The following BCKDHB variants were observed in gnomAD, a reference collection of about 807,000 sequenced individuals.
The protein encoded by BCKDHB is 2-oxoisovalerate dehydrogenase subunit beta, mitochondrial.
Under a neutral mutation model 48.5 loss-of-function variants are expected in BCKDHB, and 41 were observed. That is an observed-to-expected ratio of 0.85 (90% CI 0.66 to 1.10). The LOEUF (loss-of-function observed/expected upper bound fraction) is 1.10. Among genes scored for constraint, BCKDHB ranks in the 50% least tolerant of loss-of-function variants. The pLI is 0.00. For synonymous variants in BCKDHB, 201 were observed against 174.8 expected (o/e 1.15, Z -1.18); for missense variants, 496 against 494.2 (o/e 1.00, Z -0.03).
chr6:80,421,719 T>C, the BCKDHB span, among the ~76,000 whole-genome samples: 1 of 152,102 alleles, frequency 6.6e-6, no homozygotes, highest in Non-Finnish European at 1.5e-5. Context: ...TCTGGGGAAA[T>C]TTGAACTTGA....
intron 8 of BCKDHB, among the ~76,000 whole-genome samples, chr6:80,260,418 C>G (rs1777249643): frequency 6.6e-6 from 1 of 152,168 alleles, no homozygotes; most frequent in African/African-American, 2.4e-5. Flanking sequence ...GAAACAGACT[C>G]TCACTCTTCC....
intron 8 of BCKDHB, among the ~76,000 whole-genome samples, chr6:80,232,824 CTCTT>C (rs1332509060): frequency 6.6e-6 from 1 of 150,798 alleles, no homozygotes; most frequent in Non-Finnish European, 1.5e-5. Context: ...TTTGTGCGTT[CTCTT>C]TCTTTATGGC....
chr6:80,308,254 A>G (rs937488839), intron 9 of BCKDHB, among the ~76,000 whole-genome samples: 1 of 151,798 alleles, frequency 6.6e-6, no homozygotes, highest in Non-Finnish European at 1.5e-5. Context: ...TCATTGTATC[A>G]TGGACATTGT....
At chr6:80,355,777 T>G in the BCKDHB span, 2 of 152,292 alleles carry the variant, frequency 1.3e-5, no homozygotes, top group African/African-American at 4.8e-5. Context: ...TACATGGTTC[T>G]CTCTGGCTCT....
At chr6:80,419,986 A>G in the BCKDHB span, among the ~76,000 whole-genome samples, 7,625 of 151,980 alleles carry the variant, frequency 0.05, 578 homozygotes, top group African/African-American at 0.16. Flanking sequence ...CAGGATTTCT[A>G]TTTGGTTCTT....
rs150860716 is a variant in BCKDHB at position 80,317,361 on chromosome 6, C to T, written c.1039-26303C>T. Among the ~76,000 whole-genome samples, 430 of 152,342 alleles carry T rather than the reference C, an allele frequency of 2.8e-3. 2 individuals carry two copies. The highest frequency in any genetic ancestry group is 5.1e-3 in the Non-Finnish European group (349 of 68,020). On this transcript the variant is annotated intron_variant, in intron 9 of 9. Coordinates refer to ENST00000320393, the MANE Select transcript of BCKDHB (RefSeq NM_183050.4). ...ATCAAGGTGTCAACAGAGCCGCATT[C>T]CTTTCTGGAGAATTCTCTAGGGGAC...
intron 6 of BCKDHB, among the ~76,000 whole-genome samples, chr6:80,191,405 G>C (rs1207509799): frequency 6.6e-6 from 1 of 151,950 alleles, no homozygotes; most frequent in Non-Finnish European, 1.5e-5. Context: ...TGCTCCTCAT[G>C]GGTAATATTG....
chr6:80,171,771 G>T (rs967311475), intron 6 of BCKDHB, among the ~76,000 whole-genome samples: 1 of 152,030 alleles, frequency 6.6e-6, no homozygotes, highest in African/African-American at 2.4e-5. Context: ...TTTAAATCAG[G>T]ATACCTTTGA....
the BCKDHB span, among the ~76,000 whole-genome samples, chr6:80,444,913 A>T: frequency 7.9e-5 from 12 of 152,232 alleles, no homozygotes; most frequent in Admixed American, 3.3e-4. Flanking sequence ...AACAATTATT[A>T]ACACTACCTA....
intron 8 of BCKDHB, among the ~76,000 whole-genome samples, chr6:80,228,913 G>A (rs1775796035): frequency 1.3e-5 from 2 of 152,144 alleles, no homozygotes; most frequent in Admixed American, 6.5e-5. Context: ...AACCTTCCAG[G>A]GAGAGCTGGG....
intron 9 of BCKDHB, among the ~76,000 whole-genome samples, chr6:80,330,704 C>T (rs1769281277): frequency 8.8e-6 from 1 of 113,262 alleles, no homozygotes; most frequent in South Asian, 2.7e-4. Flanking sequence ...CTAGAAACAA[C>T]TACAGGTATG....
At chr6:80,318,078 G>T (rs956935220) in intron 9 of BCKDHB, among the ~76,000 whole-genome samples, 1 of 152,022 alleles carries the variant, frequency 6.6e-6, no homozygotes, top group Admixed American at 6.6e-5. Flanking sequence ...AACAATTGTG[G>T]GTGTTTGGGT....
chr6:80,238,563 T>C (rs1582417563), intron 8 of BCKDHB, among the ~76,000 whole-genome samples: 1 of 152,024 alleles, frequency 6.6e-6, no homozygotes, highest in African/African-American at 2.4e-5. Context: ...AGATTTTGTT[T>C]TTTCACTCTT....
chr6:80,106,686 G>C lies in BCKDHB; in HGVS notation c.-8G>C. ...TGCATAGCCTGAGAATCCCGGTGGTGAGCGGGGATGGCGGTTGTAGCGGCG... is the reference window on the plus strand; with the variant it reads ...TGCATAGCCTGAGAATCCCGGTGGTCAGCGGGGATGGCGGTTGTAGCGGCG... On this transcript the variant is annotated 5_prime_UTR_variant, in exon 1 of 10. Transcript: ENST00000320393. 1 of 1,552,572 alleles carries C rather than the reference G, an allele frequency of 6.4e-7. No homozygotes were observed. Among genetic ancestry groups the C allele is most frequent in the African/African-American group, 1.4e-5 (1 of 73,290 alleles).
chr6:80,205,293 A>G (rs2127830447), intron 8 of BCKDHB, among the ~76,000 whole-genome samples: 1 of 152,028 alleles, frequency 6.6e-6, no homozygotes, highest in Non-Finnish European at 1.5e-5. Flanking sequence ...ATAGTAACCA[A>G]AATTTATATT....
the BCKDHB span, among the ~76,000 whole-genome samples, chr6:80,404,647 A>G: frequency 2.6e-5 from 4 of 152,092 alleles, no homozygotes; most frequent in South Asian, 8.3e-4. Context: ...TCCATAAGGT[A>G]TAACAGGTTG....
chr6:80,248,902 A>G (rs62408578), intron 8 of BCKDHB, among the ~76,000 whole-genome samples: 34 of 146,788 alleles, frequency 2.3e-4, no homozygotes, highest in East Asian at 4.1e-4. Context: ...GTGTGTGTGT[A>G]TGTGTGTGTG....
chr6:80,329,387 T>C (rs1400284235), intron 9 of BCKDHB, among the ~76,000 whole-genome samples: 1 of 152,222 alleles, frequency 6.6e-6, no homozygotes, highest in East Asian at 1.9e-4. Flanking sequence ...TCACATCTAA[T>C]GATATTTCTG....
At chr6:80,353,082 C>T in the BCKDHB span, among the ~76,000 whole-genome samples, 4 of 151,982 alleles carry the variant, frequency 2.6e-5, no homozygotes, top group Non-Finnish European at 4.4e-5. Context: ...TCTGAGTCTC[C>T]ATTCTCTATT....
Sources: allele counts gnomAD v4.1 joint callset (sites outside exome capture counted in the v4.1 genomes callset), GRCh38; gene constraint gnomAD v4.1.1; transcripts MANE v1.5; gene names NCBI Gene and HGNC (gene_info 2026-07-23, HGNC 2026-07-21).